Variants in RNF38 observed in about 807,000 individuals in gnomAD.
RNF38 encodes E3 ubiquitin-protein ligase RNF38.
Under a neutral mutation model 67.2 loss-of-function variants are expected in RNF38, and 15 were observed. The observed-to-expected ratio is 0.22, with a 90% CI of 0.15 to 0.34. RNF38 has a LOEUF of 0.34. Among genes scored for constraint, RNF38 ranks in the 10% least tolerant of loss-of-function variants. The pLI is 1.00. For synonymous variants in RNF38, 220 were observed against 218.8 expected (o/e 1.01, Z -0.05); for missense variants, 524 against 639.9 (o/e 0.82, Z 1.95).
intron 1 of RNF38, among the ~76,000 whole-genome samples, chr9:36,445,742 T>C (rs1839284625): frequency 6.6e-6 from 1 of 152,240 alleles, no homozygotes; most frequent in Non-Finnish European, 1.5e-5. Flanking sequence ...ACTCCAGTTT[T>C]TCAATCTACT....
At chr9:36,391,637 T>C (rs2247223) in intron 1 of RNF38, among the ~76,000 whole-genome samples, 7,752 of 144,616 alleles carry the variant, frequency 0.054, 653 homozygotes, top group African/African-American at 0.18. Flanking sequence ...TTTTTTGAGA[T>C]GGAGTCTCGC....
In RNF38 at chr9:36,337,493, GTTAA is replaced by G. The variant is rs1243738386; in HGVS notation, c.*2255_*2258del. The G allele has an allele frequency of 8.5e-5, 13 of 152,602 alleles. No individual in the cohort carries two copies. Among genetic ancestry groups the G allele is most frequent in the African/African-American group, 1.2e-4 (5 of 41,410 alleles). The allele number at this position is 152,602 out of a possible 1,614,324, so 9.5% of individuals were successfully genotyped here. On this transcript the variant is annotated 3_prime_UTR_variant, in exon 12 of 12. Transcript: ENST00000259605. ...CCTAGTCATTAGTACAATGTGCTGT[GTTAA>G]TTAGATACCTCTATATAAATTAGAA...
At chr9:36,450,657 G>A (rs757950701) in intron 1 of RNF38, among the ~76,000 whole-genome samples, 14 of 152,214 alleles carry the variant, frequency 9.2e-5, no homozygotes, top group Admixed American at 2.0e-4. Flanking sequence ...GCTCATGCCT[G>A]TAATCCTAGC....
chr9:36,350,790 G>A (rs1454281043), intron 9 of RNF38, among the ~76,000 whole-genome samples: 1 of 152,182 alleles, frequency 6.6e-6, no homozygotes, highest in Admixed American at 6.5e-5. Flanking sequence ...TTTGTATCTT[G>A]AAATCCACAA....
chr9:36,425,619 G>A (rs1042005260), intron 1 of RNF38, among the ~76,000 whole-genome samples: 5 of 151,986 alleles, frequency 3.3e-5, no homozygotes, highest in East Asian at 3.9e-4. Flanking sequence ...ACTTAAACCC[G>A]GGAAACAAGA....
intron 1 of RNF38, among the ~76,000 whole-genome samples, chr9:36,425,712 A>C (rs1838752078): frequency 6.6e-6 from 1 of 152,244 alleles, no homozygotes; most frequent in Admixed American, 6.5e-5. Flanking sequence ...AATGAAAATG[A>C]AAATGAAAAT....
upstream of RNF38, chr9:36,487,607 G>C (rs1490953037): frequency 1.0e-6 from 1 of 978,818 alleles, no homozygotes; most frequent in African/African-American, 1.8e-5. Flanking sequence ...ACTCCGGCGC[G>C]GCAGGCGCTG....
At chr9:36,368,114 A>G (rs1248912270) in intron 4 of RNF38, among the ~76,000 whole-genome samples, 2 of 152,182 alleles carry the variant, frequency 1.3e-5, no homozygotes, top group Non-Finnish European at 1.5e-5. Context: ...TCAGACTCCC[A>G]AAGTGCTGGG....
chr9:36,380,511 T>A (rs967796778), intron 2 of RNF38, among the ~76,000 whole-genome samples: 1 of 150,468 alleles, frequency 6.6e-6, no homozygotes, highest in African/African-American at 2.4e-5. Flanking sequence ...GTTTTTTTTT[T>A]AAAGACAGTC....
intron 2 of RNF38, among the ~76,000 whole-genome samples, chr9:36,407,171 AAGT>A (rs1268453273): frequency 6.6e-6 from 1 of 152,236 alleles, no homozygotes; most frequent in Non-Finnish European, 1.5e-5. Context: ...ACACAAATCA[AAGT>A]AGAAAAAGTT....
intron 2 of RNF38, among the ~76,000 whole-genome samples, chr9:36,379,986 T>C (rs1462898753): frequency 6.6e-6 from 1 of 152,154 alleles, no homozygotes; most frequent in Non-Finnish European, 1.5e-5. Flanking sequence ...TGACTAAATA[T>C]ATGGATGTTC....
chr9:36,432,866 G>A (rs964406487), intron 1 of RNF38, among the ~76,000 whole-genome samples: 7 of 152,114 alleles, frequency 4.6e-5, no homozygotes, highest in Admixed American at 1.3e-4. Context: ...TGGTAAGCAT[G>A]AGTCATCACT....
chr9:36,360,246 A>G (rs1368984937), intron 4 of RNF38, among the ~76,000 whole-genome samples: 1 of 152,218 alleles, frequency 6.6e-6, no homozygotes, highest in Admixed American at 6.5e-5. Context: ...TTCTGTTATA[A>G]TGACAAGAGG....
intron 1 of RNF38, among the ~76,000 whole-genome samples, chr9:36,443,321 C>T (rs1839236073): frequency 6.6e-6 from 1 of 151,980 alleles, no homozygotes; most frequent in African/African-American, 2.4e-5. Flanking sequence ...GTGCCTAGAG[C>T]TTTAATAGAA....
chr9:36,454,600 T>TC (rs34203393), intron 1 of RNF38, among the ~76,000 whole-genome samples: 4 of 145,328 alleles, frequency 2.8e-5, no homozygotes, highest in Admixed American at 1.4e-4. Context: ...TTTTTTTTTT[T>TC]GAGACGGAGT....
At chr9:36,485,101 G>A (rs372770879) in intron 1 of RNF38, among the ~76,000 whole-genome samples, 3 of 152,276 alleles carry the variant, frequency 2.0e-5, no homozygotes, top group Admixed American at 6.5e-5. Flanking sequence ...CCAGGGAGGC[G>A]GAGCTTGCAG....
At chr9:36,395,184 T>C (rs1837422409) in intron 1 of RNF38, among the ~76,000 whole-genome samples, 1 of 152,242 alleles carries the variant, frequency 6.6e-6, no homozygotes, top group Non-Finnish European at 1.5e-5. Flanking sequence ...TGTGTTTTGG[T>C]AACATAACCA....
At chr9:36,388,107 AT>A (rs1304602834) in intron 2 of RNF38, among the ~76,000 whole-genome samples, 1 of 152,192 alleles carries the variant, frequency 6.6e-6, no homozygotes, top group African/African-American at 2.4e-5. Context: ...ATCAAGGGAT[AT>A]TTTATATGGT....
intron 1 of RNF38, among the ~76,000 whole-genome samples, chr9:36,447,871 C>T (rs970768938): frequency 6.6e-6 from 1 of 152,160 alleles, no homozygotes; most frequent in African/African-American, 2.4e-5. Context: ...TTCAACTGAA[C>T]TTCATAATTG....
Sources: gnomAD v4.1 joint callset for allele counts (sites outside exome capture counted in the v4.1 genomes callset) on GRCh38, gnomAD v4.1.1 for gene constraint, MANE v1.5 for transcripts, NCBI Gene and HGNC (gene_info 2026-07-23, HGNC 2026-07-21) for gene names.